STXBP6: variants seen among roughly 807,000 people sequenced by gnomAD.
STXBP6 encodes syntaxin-binding protein 6.
STXBP6 carries 21 observed loss-of-function variants against 26.9 expected under a neutral mutation model. That is an observed-to-expected ratio of 0.78 (90% CI 0.55 to 1.12). The LOEUF (loss-of-function observed/expected upper bound fraction) is 1.12. Ranked by LOEUF, STXBP6 falls within the 50% of genes most tolerant of loss-of-function variation. STXBP6 has a pLI of 0.00. For synonymous variants in STXBP6, 97 were observed against 92.6 expected (o/e 1.05, Z -0.27); for missense variants, 232 against 257.9 (o/e 0.90, Z 0.69).
intron 1 of STXBP6, among the ~76,000 whole-genome samples, chr14:25,034,320 C>A (rs1287958051): frequency 6.6e-6 from 1 of 152,186 alleles, no homozygotes; most frequent in African/African-American, 2.4e-5. Flanking sequence ...TTACATGAAG[C>A]TGAATATCTT....
chr14:24,928,909 C>A (rs948859094), intron 2 of STXBP6, among the ~76,000 whole-genome samples: 1 of 151,876 alleles, frequency 6.6e-6, no homozygotes, highest in Non-Finnish European at 1.5e-5. Flanking sequence ...AAGTAGTTTC[C>A]TTGTGTTGGA....
At chr14:24,990,532 C>T (rs920175563) in intron 1 of STXBP6, among the ~76,000 whole-genome samples, 30 of 151,852 alleles carry the variant, frequency 2.0e-4, no homozygotes, top group African/African-American at 6.1e-4. Flanking sequence ...ATGGTGCAGG[C>T]CTGTAATCCC....
At chr14:24,977,708 C>G (rs2074086087) in intron 1 of STXBP6, among the ~76,000 whole-genome samples, 2 of 152,088 alleles carry the variant, frequency 1.3e-5, no homozygotes, top group Admixed American at 1.3e-4. Context: ...TATTAATTCT[C>G]CTACTATGAT....
At chr14:24,871,555 G>A (rs2069936477) in intron 2 of STXBP6, among the ~76,000 whole-genome samples, 1 of 152,080 alleles carries the variant, frequency 6.6e-6, no homozygotes, top group Admixed American at 6.6e-5. Context: ...GCTGTCAGGG[G>A]CCAAAGGTTA....
At chr14:24,857,352 T>C (rs2069375145) in intron 2 of STXBP6, among the ~76,000 whole-genome samples, 195 bp from the exon 3 acceptor site, 1 of 152,042 alleles carries the variant, frequency 6.6e-6, no homozygotes, top group African/African-American at 2.4e-5. Context: ...GATGTTACAA[T>C]CTCCACTCTG....
chr14:24,921,160 T>A (rs1269770259), intron 2 of STXBP6, among the ~76,000 whole-genome samples: 2 of 152,194 alleles, frequency 1.3e-5, no homozygotes, highest in African/African-American at 4.8e-5. Context: ...ATCACTTACT[T>A]CACAGGGATG....
At chr14:24,970,215 T>C (rs2073863270) in intron 2 of STXBP6, among the ~76,000 whole-genome samples, 1 of 150,980 alleles carries the variant, frequency 6.6e-6, no homozygotes, top group African/African-American at 2.4e-5. Context: ...CACTCCAGCC[T>C]GGGCAACAGA....
chr14:25,035,524 T>C (rs1480849615), intron 1 of STXBP6, among the ~76,000 whole-genome samples: 1 of 152,308 alleles, frequency 6.6e-6, no homozygotes, highest in East Asian at 1.9e-4. Context: ...TAGGACAATA[T>C]AATCTGATAA....
intron 2 of STXBP6, among the ~76,000 whole-genome samples, chr14:24,933,286 G>A (rs2072487004): frequency 6.6e-6 from 1 of 152,194 alleles, no homozygotes; most frequent in African/African-American, 2.4e-5. Context: ...ACAATGCAGT[G>A]AGCCAAGATC....
intron 1 of STXBP6, among the ~76,000 whole-genome samples, chr14:25,008,529 T>C (rs546591323): frequency 2.1e-4 from 32 of 152,314 alleles, no homozygotes; most frequent in Non-Finnish European, 3.8e-4. Flanking sequence ...TAAATTACTT[T>C]AGGTTGTTAA....
chr14:24,892,078 T>C (rs1347611635), intron 2 of STXBP6, among the ~76,000 whole-genome samples: 3 of 152,184 alleles, frequency 2.0e-5, no homozygotes, highest in African/African-American at 7.2e-5. Context: ...TGTTTGAAAT[T>C]ATTAGATTAC....
intron 2 of STXBP6, among the ~76,000 whole-genome samples, chr14:24,942,823 C>T (rs72682946): frequency 0.015 from 2,269 of 152,250 alleles, 35 homozygotes; most frequent in Non-Finnish European, 0.019. Context: ...TAATTGCTCT[C>T]AAACTGATAG....
At chr14:24,993,004 C>A (rs942205027) in intron 1 of STXBP6, among the ~76,000 whole-genome samples, 2 of 152,200 alleles carry the variant, frequency 1.3e-5, no homozygotes, top group African/African-American at 4.8e-5. Flanking sequence ...CTGCTTGGAA[C>A]TTTTCTCCAC....
chr14:24,850,256 G>A (rs763590225), intron 4 of STXBP6, among the ~76,000 whole-genome samples: 1 of 152,014 alleles, frequency 6.6e-6, no homozygotes, highest in African/African-American at 2.4e-5. Context: ...GGAATCCAGA[G>A]TAAAGCCATT....
chr14:24,905,335 T>C lies in STXBP6; in HGVS notation c.155-48178A>G, dbSNP rs138307279. On this transcript the variant is annotated intron_variant, in intron 2 of 5. Transcript: ENST00000323944. ...AACTTCAGTTTGCTCATCAGTAAAA[T>C]AGGCTTGTAATACCTACTTACAGGA... Among the ~76,000 whole-genome samples the C allele has an allele frequency of 4.9e-3, 746 of 152,322 alleles. 8 individuals are homozygous for C. The highest frequency in any genetic ancestry group is 0.017 in the African/African-American group (712 of 41,566).
intron 2 of STXBP6, among the ~76,000 whole-genome samples, chr14:24,920,659 A>G (rs2139809744): frequency 6.6e-6 from 1 of 152,180 alleles, no homozygotes; most frequent in Non-Finnish European, 1.5e-5. Context: ...TACTGCTCCC[A>G]GAGGACCCTA....
intron 1 of STXBP6, among the ~76,000 whole-genome samples, chr14:25,000,343 G>A (rs1403473861): frequency 6.6e-6 from 1 of 151,198 alleles, no homozygotes; most frequent in African/African-American, 2.4e-5. Context: ...GATTACAGGT[G>A]TGAGCCACCG....
At chr14:24,837,446 A>G (rs922043594) in intron 4 of STXBP6, among the ~76,000 whole-genome samples, 1 of 152,202 alleles carries the variant, frequency 6.6e-6, no homozygotes, top group African/African-American at 2.4e-5. Context: ...TCACAAGTTA[A>G]GCTCTTTCTG....
At chr14:25,013,476 A>G (rs1037714261) in intron 1 of STXBP6, among the ~76,000 whole-genome samples, 1 of 149,044 alleles carries the variant, frequency 6.7e-6, no homozygotes, top group African/African-American at 2.5e-5. Flanking sequence ...TCACACACAC[A>G]CACACACACA....
Sources: gnomAD v4.1 joint callset for allele counts (sites outside exome capture counted in the v4.1 genomes callset) on GRCh38, gnomAD v4.1.1 for gene constraint, MANE v1.5 for transcripts, NCBI Gene and HGNC (gene_info 2026-07-23, HGNC 2026-07-21) for gene names.